DAPK1: variants seen among roughly 807,000 people sequenced by gnomAD.
The protein encoded by DAPK1 is death associated protein kinase 1.
DAPK1 carries 56 observed loss-of-function variants against 144.9 expected under a neutral mutation model. The observed-to-expected ratio is 0.39, with a 90% CI of 0.31 to 0.48. DAPK1 has a LOEUF of 0.48. Ranked by LOEUF, DAPK1 falls within the 20% of genes least tolerant of loss-of-function variation. The pLI is 0.95. For missense variants in DAPK1, 1,454 were observed against 1,875.4 expected (o/e 0.78, Z 4.15); for synonymous variants, 690 against 749.0 (o/e 0.92, Z 1.29).
chr9:87,652,970 A>G (rs1434172328), intron 17 of DAPK1, among the ~76,000 whole-genome samples: 18 of 98,680 alleles, frequency 1.8e-4, no homozygotes, highest in East Asian at 3.4e-4. Context: ...ACCTGATCCC[A>G]GGTCCTGATT....
At chr9:87,533,534 G>A (rs916811069) in intron 2 of DAPK1, among the ~76,000 whole-genome samples, 3 of 152,180 alleles carry the variant, frequency 2.0e-5, no homozygotes, top group African/African-American at 7.2e-5. Context: ...GAAGGCTCCT[G>A]GAGCTTTGAA....
chr9:87,499,372 T>G, intron 2 of DAPK1: 1 of 501,566 alleles, frequency 2.0e-6, no homozygotes, highest in East Asian at 2.8e-5. Flanking sequence ...AGTATATTGA[T>G]CCAGTCCCCT....
intron 3 of DAPK1, among the ~76,000 whole-genome samples, chr9:87,620,141 C>G (rs1829237415): frequency 6.6e-6 from 1 of 152,004 alleles, no homozygotes; most frequent in African/African-American, 2.4e-5. Context: ...CTCCCTGGCC[C>G]TCTCCCCAGG....
At chr9:87,553,497 T>C (rs1413178953) in intron 2 of DAPK1, 2 of 75,400 alleles carry the variant, frequency 2.7e-5, no homozygotes, top group Admixed American at 2.5e-4. Flanking sequence ...TTTTCTTTTC[T>C]TTTTTTTTTT....
chr9:87,653,289 C>A lies in DAPK1; in HGVS notation c.1824+1565C>A, dbSNP rs1315530750. Reference sequence around the variant, plus strand: ...CCTGGGTCCTGATTCTGTGTGCTCCCACCTGATCCTGGATTTTGGCCAAGT... The same window carrying A: ...CCTGGGTCCTGATTCTGTGTGCTCCAACCTGATCCTGGATTTTGGCCAAGT... On this transcript the variant is annotated intron_variant, in intron 17 of 25. Transcript: ENST00000408954. Among the ~76,000 whole-genome samples, 3 of 152,246 alleles carry A rather than the reference C, an allele frequency of 2.0e-5. No individual in the cohort carries two copies. In the South Asian group the frequency reaches 6.2e-4, roughly 31 times the overall value.
Position 87,639,384 on chromosome 9 carries a change from G to A in DAPK1, c.454G>A (p.Val152Ile), listed in dbSNP as rs750584063. 3.1e-6 allele frequency: 5 copies of A among 1,609,102 alleles called. No individual in the cohort carries two copies. Among genetic ancestry groups the A allele is most frequent in the Admixed American group, 3.4e-5 (2 of 59,194 alleles). ...GAACATAATGCTTTTGGATAGAAAT[G>A]TCCCCAAACCTCGGATCAAGATCAT... ...PENIMLLDRN[V>I]PKPRIKIIDF... Residue 152 changes from valine to isoleucine, a missense_variant, in exon 5 of 26, where the codon GTC becomes ATC. Around this residue, in one of 2 missense-constraint regions of DAPK1, gnomAD observed 429 missense variants for 637.5 expected, o/e 0.67. Coordinates refer to ENST00000408954, the MANE Select transcript of DAPK1 (RefSeq NM_004938.4).
intron 2 of DAPK1, among the ~76,000 whole-genome samples, chr9:87,501,784 G>C (rs1027214681): frequency 6.6e-6 from 1 of 152,154 alleles, no homozygotes. Context: ...TCTGTCAACG[G>C]TCAGGAACTT....
intron 19 of DAPK1, among the ~76,000 whole-genome samples, chr9:87,672,641 G>A (rs942358998): frequency 1.3e-5 from 2 of 152,136 alleles, no homozygotes; most frequent in African/African-American, 2.4e-5. Context: ...TCCCTCAGTG[G>A]GCTCTTGACG....
At chr9:87,554,544 TC>T (rs1320806837) in intron 2 of DAPK1, 2 of 152,154 alleles carry the variant, frequency 1.3e-5, no homozygotes, top group Admixed American at 1.3e-4. Context: ...TGTCTTTGAC[TC>T]AAGCCAGAAG....
intron 17 of DAPK1, among the ~76,000 whole-genome samples, chr9:87,655,135 A>G (rs1830587593): frequency 6.6e-6 from 1 of 152,182 alleles, no homozygotes; most frequent in Non-Finnish European, 1.5e-5. Flanking sequence ...CTGATGTGAA[A>G]ATCATCAGTT....
intron 2 of DAPK1, among the ~76,000 whole-genome samples, chr9:87,551,330 T>C (rs1212631205): frequency 1.3e-5 from 2 of 152,050 alleles, no homozygotes; most frequent in Admixed American, 1.3e-4. Flanking sequence ...GTATTTTTAC[T>C]AGAGACGGGG....
At chr9:87,502,261 C>G (rs555980726) in intron 2 of DAPK1, among the ~76,000 whole-genome samples, 2 of 151,994 alleles carry the variant, frequency 1.3e-5, no homozygotes, top group Non-Finnish European at 2.9e-5. Flanking sequence ...CAAGCAGAAG[C>G]AAGTCCCTGC....
chr9:87,675,896 C>CA (rs1554702840), intron 19 of DAPK1, among the ~76,000 whole-genome samples: 2 of 141,578 alleles, frequency 1.4e-5, no homozygotes, highest in African/African-American at 2.6e-5. Context: ...CACACACACA[C>CA]CCTTATGACC....
chr9:87,618,993 A>G lies in DAPK1; in HGVS notation c.284+13818A>G, dbSNP rs1186634718. Among the ~76,000 whole-genome samples the G allele has an allele frequency of 3.3e-5, 5 of 152,130 alleles. No homozygotes were observed. The East Asian group carries it at 9.6e-4, about 29-fold the overall frequency. Reference sequence around the variant, plus strand: ...GTCCATGATTGGTAGAGTGGTGCAGAGCCTTTGAACCTGTGTCCAGGCCCC... The same window carrying G: ...GTCCATGATTGGTAGAGTGGTGCAGGGCCTTTGAACCTGTGTCCAGGCCCC... On this transcript the variant is annotated intron_variant, in intron 3 of 25. Coordinates refer to ENST00000408954, the MANE Select transcript of DAPK1 (RefSeq NM_004938.4).
chr9:87,544,913 C>T (rs1826185046), intron 2 of DAPK1, among the ~76,000 whole-genome samples: 1 of 152,174 alleles, frequency 6.6e-6, no homozygotes, highest in South Asian at 2.1e-4. Flanking sequence ...GGTAGGGACA[C>T]AGCTCTGCTT....
At chr9:87,647,649 C>G (rs1192352887) in intron 14 of DAPK1, among the ~76,000 whole-genome samples, 4 of 152,206 alleles carry the variant, frequency 2.6e-5, no homozygotes, top group African/African-American at 4.8e-5. Context: ...ATCCCCATAA[C>G]ATAAAAACCT....
In DAPK1 at chr9:87,524,241, C is replaced by G. The variant is rs57162050; in HGVS notation, c.62+25102C>G. On this transcript the variant is annotated intron_variant, in intron 2 of 25. Transcript: ENST00000408954. ...AAAGGCCCTGCACATTCCAGCATGC[C>G]CTGACCTTGGAACTGTTCCTCAGGT... Among the ~76,000 whole-genome samples, 1,136 of 152,306 alleles carry G rather than the reference C, an allele frequency of 7.5e-3. 15 individuals carry two copies. Among genetic ancestry groups the G allele is most frequent in the African/African-American group, 0.026 (1,084 of 41,564 alleles).
Position 87,703,160 on chromosome 9 carries a change from C to T in DAPK1, c.3003C>T (p.Pro1001=). 1 of 1,612,748 alleles carries T rather than the reference C, an allele frequency of 6.2e-7. No individual in the cohort carries two copies. Among genetic ancestry groups the T allele is most frequent in the Non-Finnish European group, 8.5e-7 (1 of 1,178,684 alleles). ...FVYDVQDQLN[P]LASEEDLRRI... ...ACGACGTGCAGGACCAGCTGAACCC[C>T]CTGGCCAGCGAGGAGGACCTCAGGC... Residue 1001 remains proline (P), a synonymous_variant, in exon 25 of 26, where the codon CCC becomes CCT. Coordinates refer to ENST00000408954, the MANE Select transcript of DAPK1 (RefSeq NM_004938.4).
Position 87,675,890 on chromosome 9 carries a change from CACACA to C in DAPK1, c.2002-5513_2002-5509del, listed in dbSNP as rs1564064497. Among the ~76,000 whole-genome samples, 1,004 of 151,382 alleles carry C rather than the reference CACACA, an allele frequency of 6.6e-3. 13 individuals carry two copies. Among genetic ancestry groups the C allele is most frequent in the African/African-American group, 0.023 (950 of 41,014 alleles). On this transcript the variant is annotated intron_variant, in intron 19 of 25. Coordinates refer to ENST00000408954, the MANE Select transcript of DAPK1 (RefSeq NM_004938.4). Reference sequence around the variant, plus strand: ...ACACACACACACACACACACACACACACACACCCTTATGACCACCTGGAAGGTTCT... The same window carrying C: ...ACACACACACACACACACACACACACCCCTTATGACCACCTGGAAGGTTCT...
Sources: allele counts gnomAD v4.1 joint callset (sites outside exome capture counted in the v4.1 genomes callset), GRCh38; gene constraint gnomAD v4.1.1; regional missense constraint gnomAD v4.1.1; transcripts MANE v1.5; gene names NCBI Gene and HGNC (gene_info 2026-07-23, HGNC 2026-07-21).